Variants in NECAB2 observed in about 807,000 individuals in gnomAD.
NECAB2 encodes the protein N-terminal EF-hand calcium-binding protein 2.
Under a neutral mutation model 51.9 loss-of-function variants are expected in NECAB2, and 68 were observed. The ratio of observed to expected loss-of-function variants is 1.31; its 90% CI spans 1.08 to 1.60. The LOEUF (loss-of-function observed/expected upper bound fraction) is 1.60, where lower values mean the gene tolerates loss of function less well. NECAB2 is among the 40% of genes most tolerant of loss of function. NECAB2 has a pLI of 0.00. For synonymous variants in NECAB2, 329 were observed against 203.5 expected (o/e 1.62, Z -5.25); for missense variants, 854 against 490.3 (o/e 1.74, Z -7.00).
chr16:83,970,427 A>T (rs1348632918), intron 1 of NECAB2, among the ~76,000 whole-genome samples: 1 of 152,060 alleles, frequency 6.6e-6, no homozygotes, highest in Non-Finnish European at 1.5e-5. Context: ...TGGATCTTTG[A>T]GGAGGGCTTG....
chr16:83,991,597 C>T (rs2084626600), intron 6 of NECAB2, among the ~76,000 whole-genome samples: 1 of 150,380 alleles, frequency 6.6e-6, no homozygotes, highest in Admixed American at 6.6e-5. Context: ...TAGGGTGATC[C>T]ACCCGCCTCA....
chr16:83,988,134 A>T (rs2084578182), intron 5 of NECAB2, among the ~76,000 whole-genome samples: 1 of 152,190 alleles, frequency 6.6e-6, no homozygotes, highest in African/African-American at 2.4e-5. Context: ...TGCGCTTCTG[A>T]TGGACCTTGT....
chr16:83,971,357 G>GT (rs1315568251), intron 1 of NECAB2: 6 of 152,204 alleles, frequency 3.9e-5, no homozygotes, highest in African/African-American at 1.2e-4. Flanking sequence ...GGCTGAGGAG[G>GT]TTTTGAAAGC....
Position 84,001,889 on chromosome 16 carries a change from G to C in NECAB2, c.1105G>C (p.Glu369Gln). ...CAAGGTGGACACACTGAGCCAGCCT[G>C]AGGCCCTCTCCAGGATCTTGGTGCC... ...HVKVDTLSQPEALSRILVPAA... is the reference protein window; with the variant it reads ...HVKVDTLSQPQALSRILVPAA... Residue 369 changes from glutamate (E) to glutamine (Q), a missense_variant, in exon 12 of 13, where the codon GAG (glutamate) becomes CAG (glutamine). Transcript: ENST00000305202. 3.7e-6 allele frequency: 6 copies of C among 1,614,070 alleles called. No individual in the cohort carries two copies. Among genetic ancestry groups the C allele is most frequent in the Non-Finnish European group, 5.1e-6 (6 of 1,179,934 alleles).
At chr16:83,980,416 G>A (rs935581394) in intron 3 of NECAB2, among the ~76,000 whole-genome samples, 1 of 152,156 alleles carries the variant, frequency 6.6e-6, no homozygotes, top group East Asian at 1.9e-4. Context: ...AACAGGAAGG[G>A]CTCTGCCACA....
intron 9 of NECAB2, among the ~76,000 whole-genome samples, chr16:83,997,750 C>A (rs1047513541): frequency 1.3e-5 from 2 of 152,032 alleles, no homozygotes; most frequent in Admixed American, 6.6e-5. Flanking sequence ...ACCTTGGCCT[C>A]CTAAAGTGCT....
rs2084477836 is a variant in NECAB2 at position 83,980,834 on chromosome 16, T to G, written c.336-5T>G. 2 of 1,582,976 alleles carry G rather than the reference T, an allele frequency of 1.3e-6. No homozygotes were observed. The highest frequency in any genetic ancestry group is 1.7e-6 in the Non-Finnish European group (2 of 1,164,048). ...GTCTGTCTCTGCCTCTGTCTGTCTC[T>G]GCAGCCATGTGGACACCAAGGAGCT... On this transcript the variant is annotated splice_region_variant and splice_polypyrimidine_tract_variant and intron_variant, in intron 3 of 12. Transcript: ENST00000305202.
chr16:83,968,319 A>G lies in NECAB2; in HGVS notation c.-330A>G, dbSNP rs942692180. Among the ~76,000 whole-genome samples, 62 of 150,888 alleles carry G rather than the reference A, an allele frequency of 4.1e-4. No homozygotes were observed. Among genetic ancestry groups the G allele is most frequent in the Admixed American group, 7.9e-4 (12 of 15,198 alleles). ...AGGAGACTTTTGGGGAGCAGGCCCC[A>G]GGGGCGCCGCCCCGCCCCCAGGCCC... On this transcript the variant is annotated 5_prime_UTR_variant, in exon 1 of 13. Transcript: ENST00000305202.
intron 10 of NECAB2, 116 bp downstream of exon 10, chr16:83,998,433 C>A: frequency 1.1e-6 from 1 of 935,314 alleles, no homozygotes; most frequent in Non-Finnish European, 1.6e-6. Context: ...CCCAGGGACA[C>A]ACACAGCTGG....
chr16:83,985,313 C>CAA lies in NECAB2; in HGVS notation c.459+4218_459+4219dup, dbSNP rs71148868. On this transcript the variant is annotated intron_variant, in intron 5 of 12. Coordinates refer to ENST00000305202, the MANE Select transcript of NECAB2 (RefSeq NM_019065.3). ...GGACAACAAGAGCAAATCTCTGTCT[C>CAA]AAAAAAAAAAAAAAAAAAAAAAAAA... 9.3e-3 allele frequency among the ~76,000 whole-genome samples: 280 copies of CAA among 30,196 alleles called. 12 individuals are homozygous for CAA. In the East Asian group the frequency reaches 0.096, roughly 10 times the overall value. The allele number at this position is 30,196 out of a possible 152,430, so 19.8% of individuals were successfully genotyped here. A position where few individuals can be genotyped will look rare whatever the true frequency, so the allele number is the denominator to read the frequency against.
At position 83,972,184 on chromosome 16, in the gene NECAB2, C is replaced by G; in HGVS notation, c.226+9C>G. The G allele has an allele frequency of 6.2e-7, 1 of 1,613,528 alleles. No individual in the cohort carries two copies. The highest frequency in any genetic ancestry group is 1.1e-5 in the South Asian group (1 of 91,088). On this transcript the variant is annotated intron_variant, in intron 2 of 12. Transcript: ENST00000305202. ...CCGTGCGGACAAAAATGGTGAGTTT[C>G]CCTTCCAGGCCGACGGCCGCCCCAC...
intron 12 of NECAB2, 36 bp downstream of exon 12, chr16:84,001,952 T>G (rs747041418): frequency 3.1e-6 from 5 of 1,600,434 alleles, no homozygotes; most frequent in Non-Finnish European, 4.3e-6. Context: ...AGTGGCCACC[T>G]GACTGGAGAG....
intron 10 of NECAB2, 138 bp from the exon 11 acceptor site, chr16:84,000,586 G>T (rs184334235): frequency 6.3e-6 from 4 of 635,328 alleles, no homozygotes; most frequent in African/African-American, 1.8e-5. Flanking sequence ...GTCGAGTCTC[G>T]ATGGAGGTCA....
chr16:84,000,019 T>TGGGATTACA (rs1166279976), intron 10 of NECAB2, among the ~76,000 whole-genome samples: 1 of 151,910 alleles, frequency 6.6e-6, no homozygotes, highest in Non-Finnish European at 1.5e-5. Context: ...CCTGCATCGC[T>TGGGATTACA]GGGATTACAG....
chr16:83,994,304 AG>A lies in NECAB2; in HGVS notation c.600del (p.Asn201ThrfsTer58), dbSNP rs1474554889. The A allele has an allele frequency of 6.2e-7, 1 of 1,614,118 alleles. No individual in the cohort carries two copies. The highest frequency in any genetic ancestry group is 8.5e-7 in the Non-Finnish European group (1 of 1,180,028). ...GTGTGTTCCCATCCAAACTGCAGAC[AG>A]AACCACATCAAACCCAGCCACAGCG... ...AIEEQTSQLR[Q>X]NHIKPSHSAA... On this transcript the variant is annotated frameshift_variant, in exon 7 of 13. Coordinates refer to ENST00000305202, the MANE Select transcript of NECAB2 (RefSeq NM_019065.3). LOFTEE classifies it high-confidence loss of function.
chr16:83,999,441 G>A (rs1250096078), intron 10 of NECAB2, among the ~76,000 whole-genome samples: 1 of 152,180 alleles, frequency 6.6e-6, no homozygotes, highest in African/African-American at 2.4e-5. Flanking sequence ...TTGTCGAGTT[G>A]GAGACGGCAA....
At chr16:83,989,721 C>G (rs765060882) in intron 5 of NECAB2, among the ~76,000 whole-genome samples, 1 of 152,192 alleles carries the variant, frequency 6.6e-6, no homozygotes, top group Non-Finnish European at 1.5e-5. Flanking sequence ...CCCAAAGCAT[C>G]TCCACTGGAT....
In NECAB2 at chr16:83,998,580, T is replaced by C. The variant is rs188794496; in HGVS notation, c.962+263T>C. 2.3e-3 allele frequency among the ~76,000 whole-genome samples: 350 copies of C among 152,266 alleles called. 4 individuals carry two copies. The highest frequency in any genetic ancestry group is 6.6e-4 in the Non-Finnish European group (45 of 68,020). ...CCCCCAGGACTCCTTGCTGGGGTGA[T>C]CATGAGTGCATATACAATCAAGTGT... On this transcript the variant is annotated intron_variant, in intron 10 of 12. Transcript: ENST00000305202.
chr16:84,001,932 C>T lies in NECAB2; in HGVS notation c.1132+16C>T. 6.2e-7 allele frequency: 1 copy of T among 1,612,526 alleles called. No individual in the cohort carries two copies. The highest frequency in any genetic ancestry group is 1.3e-5 in the African/African-American group (1 of 74,982). ...TTGGTGCCAGGTAGGGGGCAAAGGCCTGGAACTGCAGTGGCCACCTGACTG... is the reference window on the plus strand; with the variant it reads ...TTGGTGCCAGGTAGGGGGCAAAGGCTTGGAACTGCAGTGGCCACCTGACTG... On this transcript the variant is annotated intron_variant, in intron 12 of 12. Coordinates refer to ENST00000305202, the MANE Select transcript of NECAB2 (RefSeq NM_019065.3).
Sources: allele counts gnomAD v4.1 joint callset (sites outside exome capture counted in the v4.1 genomes callset), GRCh38; gene constraint gnomAD v4.1.1; transcripts MANE v1.5; gene names NCBI Gene and HGNC (gene_info 2026-07-23, HGNC 2026-07-21).